CEP63: variants seen among roughly 807,000 people sequenced by gnomAD.
CEP63 encodes the protein centrosomal protein 63.
In CEP63, 84 loss-of-function variants were observed where a neutral mutation model predicts 89.1. The ratio of observed to expected loss-of-function variants is 0.94; its 90% CI spans 0.79 to 1.13. CEP63 has a LOEUF of 1.13. Among genes scored for constraint, CEP63 ranks in the 50% most tolerant of loss-of-function variants. The pLI, the probability that CEP63 is intolerant of heterozygous loss-of-function variation, is 0.00. For synonymous variants in CEP63, 267 were observed against 272.5 expected (o/e 0.98, Z 0.20); for missense variants, 838 against 813.3 (o/e 1.03, Z -0.37).
downstream of CEP63, among the ~76,000 whole-genome samples, chr3:134,591,723 C>G (rs4399924): frequency 6.6e-6 from 1 of 151,724 alleles, no homozygotes; most frequent in East Asian, 1.9e-4. Flanking sequence ...ACAAAAAAAA[C>G]AAAAAAAATT....
chr3:134,563,119 G>A lies in CEP63; in HGVS notation c.*1584G>A, dbSNP rs931644090. On this transcript the variant is annotated 3_prime_UTR_variant, in exon 15 of 15. Coordinates refer to ENST00000675561, the MANE Select transcript of CEP63 (RefSeq NM_001353108.3). ...CCCTCTTGCTAAGATTCCATATCAG[G>A]ACATAGCATTATGTTTGCCAGTTCC... is the stretch of plus-strand genomic sequence containing the variant. 30 of 152,122 alleles carry A rather than the reference G, an allele frequency of 2.0e-4. No individual in the cohort carries two copies. The highest frequency in any genetic ancestry group is 7.0e-4 in the African/African-American group (29 of 41,406). The allele number at this position is 152,122 out of a possible 1,614,324, so 9.4% of individuals were successfully genotyped here. A position where few individuals can be genotyped will look rare whatever the true frequency, so the allele number is the denominator to read the frequency against.
the CEP63 span, chr3:134,651,356 C>A: frequency 2.8e-5 from 32 of 1,146,668 alleles, no homozygotes; most frequent in Non-Finnish European, 3.4e-5. Context: ...CTCATCCCCA[C>A]GGTCTCCGGA....
chr3:134,488,761 G>A (rs1214622704), intron 1 of CEP63, among the ~76,000 whole-genome samples: 4 of 152,182 alleles, frequency 2.6e-5, no homozygotes, highest in Non-Finnish European at 5.9e-5. Context: ...AAAAGGTTGG[G>A]GACCACTGCT....
At chr3:134,772,460 G>A in the CEP63 span, among the ~76,000 whole-genome samples, 3 of 152,086 alleles carry the variant, frequency 2.0e-5, no homozygotes, top group Admixed American at 6.5e-5. Flanking sequence ...GCCAGGCAAG[G>A]CTTCTTGCTT....
At chr3:134,774,089 A>G in the CEP63 span, among the ~76,000 whole-genome samples, 1 of 152,194 alleles carries the variant, frequency 6.6e-6, no homozygotes, top group African/African-American at 2.4e-5. Context: ...GGGGGTGGAA[A>G]GCACATCCCT....
chr3:134,566,727 A>G (rs1316929639), downstream of CEP63, among the ~76,000 whole-genome samples: 1 of 152,214 alleles, frequency 6.6e-6, no homozygotes, highest in Non-Finnish European at 1.5e-5. Context: ...TCAAAATCAA[A>G]ATAAGATACC....
intron 3 of CEP63, among the ~76,000 whole-genome samples, chr3:134,519,965 G>A (rs1269028454): frequency 1.3e-5 from 2 of 152,112 alleles, no homozygotes; most frequent in East Asian, 3.8e-4. Flanking sequence ...AAGAAACATA[G>A]CAAGTAGCAA....
chr3:134,511,724 G>A (rs758201310), intron 3 of CEP63, among the ~76,000 whole-genome samples: 1 of 152,082 alleles, frequency 6.6e-6, no homozygotes, highest in African/African-American at 2.4e-5. Context: ...CGGAGCAAAG[G>A]GGGAAGTGCT....
the CEP63 span, among the ~76,000 whole-genome samples, chr3:134,648,462 C>T: frequency 2.0e-5 from 3 of 152,180 alleles, no homozygotes; most frequent in African/African-American, 4.8e-5. Flanking sequence ...GACTTCAAAG[C>T]TCATTGGGTC....
intron 10 of CEP63, 133 bp from the exon 11 acceptor site, chr3:134,549,930 T>C: frequency 8.2e-6 from 6 of 734,052 alleles, no homozygotes; most frequent in Non-Finnish European, 1.4e-5. Flanking sequence ...TGCTAATTTT[T>C]CTGCAGATTT....
At chr3:134,575,113 CTCCT>C (rs1156529257), downstream of CEP63, 1,260 of 342,540 alleles carry the variant, frequency 3.7e-3, no homozygotes, top group Middle Eastern at 5.3e-3. Flanking sequence ...CTTAAGATAA[CTCCT>C]TCCTTCCTTC....
intron 12 of CEP63, among the ~76,000 whole-genome samples, chr3:134,554,232 C>G (rs192289769): frequency 0.015 from 2,247 of 151,522 alleles, 36 homozygotes; most frequent in Non-Finnish European, 0.019. Context: ...ATCCCTCCCC[C>G]CTTCCCCCAC....
At chr3:134,713,460 C>T in the CEP63 span, among the ~76,000 whole-genome samples, 13 of 152,274 alleles carry the variant, frequency 8.5e-5, no homozygotes, top group African/African-American at 1.4e-4. Context: ...TGTTGGCTGA[C>T]GCCTTGTGAC....
chr3:134,574,023 G>A (rs1958125393), intron 11 of CEP63, among the ~76,000 whole-genome samples: 1 of 152,172 alleles, frequency 6.6e-6, no homozygotes, highest in African/African-American at 2.4e-5. Context: ...AGTCTCTGTA[G>A]GTCACAATCC....
At chr3:134,604,596 A>G in the CEP63 span, 1 of 814,798 alleles carries the variant, frequency 1.2e-6, no homozygotes, top group Non-Finnish European at 1.9e-6. Context: ...GTCTATTTCC[A>G]CGGTGTTAAT....
At chr3:134,757,889 T>C in the CEP63 span, among the ~76,000 whole-genome samples, 2 of 151,628 alleles carry the variant, frequency 1.3e-5, no homozygotes, top group Non-Finnish European at 2.9e-5. Context: ...GGAGGGGAAT[T>C]TGGGGGGAAT....
chr3:134,575,489 CT>C (rs1304038328), downstream of CEP63, among the ~76,000 whole-genome samples: 2 of 108,300 alleles, frequency 1.8e-5, no homozygotes, highest in Non-Finnish European at 4.0e-5. Context: ...CCCTCCCTCC[CT>C]CCCTTTCTTC....
At chr3:134,607,760 C>T in the CEP63 span, 1 of 986,140 alleles carries the variant, frequency 1.0e-6, no homozygotes, top group Non-Finnish European at 1.2e-6. Context: ...GAGCACATGT[C>T]AGCCCAGGCC....
chr3:134,639,070 G>GTTTT, the CEP63 span, among the ~76,000 whole-genome samples: 9 of 128,534 alleles, frequency 7.0e-5, no homozygotes, highest in Non-Finnish European at 9.6e-5. Flanking sequence ...CTACTTTGGA[G>GTTTT]TTTTTTTTTT....
Sources: gnomAD v4.1 joint callset for allele counts (sites outside exome capture counted in the v4.1 genomes callset) on GRCh38, gnomAD v4.1.1 for gene constraint, MANE v1.5 for transcripts, NCBI Gene and HGNC (gene_info 2026-07-23, HGNC 2026-07-21) for gene names.